SGCD: variants seen among roughly 807,000 people sequenced by gnomAD.
The protein encoded by SGCD is delta-sarcoglycan.
Under a neutral mutation model 36.6 loss-of-function variants are expected in SGCD, and 18 were observed. That is an observed-to-expected ratio of 0.49 (90% CI 0.34 to 0.73). The LOEUF (loss-of-function observed/expected upper bound fraction) is 0.73, where lower values mean the gene tolerates loss of function less well. Among genes scored for constraint, SGCD ranks in the 30% least tolerant of loss-of-function variants. SGCD has a pLI of 0.01. For synonymous variants in SGCD, 133 were observed against 130.6 expected, an observed-to-expected ratio of 1.02 and a Z score of -0.12; for missense variants, 387 against 346.7, an observed-to-expected ratio of 1.12 and a Z score of -0.92.
intron 2 of SGCD, among the ~76,000 whole-genome samples, chr5:156,335,124 C>T (rs1202117850): frequency 6.6e-6 from 1 of 152,188 alleles, no homozygotes; most frequent in East Asian, 1.9e-4. Context: ...ACTTGTGTAT[C>T]TGCTAATTCC....
Position 156,057,939 on chromosome 5 carries a change from G to T in SGCD, c.-281-59939G>T, listed in dbSNP as rs1327938271. Among the ~76,000 whole-genome samples the T allele has an allele frequency of 1.4e-5, 2 of 145,952 alleles. 1 individual carries two copies. The highest frequency in any genetic ancestry group is 3.1e-5 in the Non-Finnish European group (2 of 64,804). ...ATTCATCTTGTCTTACATATACAGG[G>T]TATAACTCAAAGGAATCAAGTTACT... On this transcript the variant is annotated intron_variant, in intron 1 of 9. Transcript: ENST00000517913.
the SGCD span, among the ~76,000 whole-genome samples, chr5:155,744,187 TGTG>T: frequency 6.6e-6 from 1 of 152,028 alleles, no homozygotes; most frequent in Non-Finnish European, 1.5e-5. Context: ...GCGGGCCAGG[TGTG>T]GTGACTCACG....
chr5:155,879,799 G>A (rs1298326563), intron 1 of SGCD, among the ~76,000 whole-genome samples: 3 of 152,100 alleles, frequency 2.0e-5, no homozygotes, highest in Non-Finnish European at 4.4e-5. Context: ...CTCTAAGGCA[G>A]TTTTAACCAC....
intron 1 of SGCD, among the ~76,000 whole-genome samples, chr5:156,085,732 A>G (rs575845385): frequency 2.2e-4 from 34 of 152,290 alleles, no homozygotes; most frequent in African/African-American, 8.2e-4. Flanking sequence ...TTCTCCAGTG[A>G]CACTATCTGG....
At chr5:156,619,140 C>T (rs1561818839) in intron 6 of SGCD, among the ~76,000 whole-genome samples, 2 of 152,212 alleles carry the variant, frequency 1.3e-5, no homozygotes, top group Admixed American at 6.5e-5. Flanking sequence ...ATTCGCCTGC[C>T]TCAGCCTCCA....
chr5:156,179,704 C>G (rs999014657), intron 3 of SGCD, among the ~76,000 whole-genome samples: 3 of 151,284 alleles, frequency 2.0e-5, no homozygotes, highest in African/African-American at 7.3e-5. Flanking sequence ...TCACTGGAAC[C>G]TCTCCGCCTC....
chr5:155,900,556 C>T (rs891078446), intron 1 of SGCD, among the ~76,000 whole-genome samples: 2 of 150,474 alleles, frequency 1.3e-5, no homozygotes, highest in African/African-American at 4.9e-5. Context: ...GTATATCTCC[C>T]GATGCTATCC....
At chr5:156,536,825 A>G (rs1411649393) in intron 4 of SGCD, among the ~76,000 whole-genome samples, 1 of 152,120 alleles carries the variant, frequency 6.6e-6, no homozygotes, top group African/African-American at 2.4e-5. Flanking sequence ...AAAGTTAAGT[A>G]TTTATTTCTT....
At chr5:156,236,458 T>C (rs1481177185) in intron 3 of SGCD, among the ~76,000 whole-genome samples, 1 of 151,882 alleles carries the variant, frequency 6.6e-6, no homozygotes, top group African/African-American at 2.4e-5. Context: ...ATACTTTTTT[T>C]TTTTTTTTTG....
the SGCD span, among the ~76,000 whole-genome samples, chr5:155,728,601 C>A: frequency 6.6e-6 from 1 of 152,158 alleles, no homozygotes; most frequent in African/African-American, 2.4e-5. Flanking sequence ...TTCTTCTAGG[C>A]GGCGGCCGGC....
At chr5:155,893,803 A>G (rs1756188006) in intron 1 of SGCD, among the ~76,000 whole-genome samples, 1 of 152,264 alleles carries the variant, frequency 6.6e-6, no homozygotes, top group African/African-American at 2.4e-5. Context: ...CTAACATAAT[A>G]GAGTGTACTT....
chr5:156,149,055 A>C (rs1039596002), intron 3 of SGCD, among the ~76,000 whole-genome samples: 1 of 152,144 alleles, frequency 6.6e-6, no homozygotes, highest in African/African-American at 2.4e-5. Flanking sequence ...TTAATGTTTA[A>C]CTTATACATT....
At chr5:156,523,286 A>G (rs1757489332) in intron 4 of SGCD, among the ~76,000 whole-genome samples, 1 of 152,126 alleles carries the variant, frequency 6.6e-6, no homozygotes, top group Admixed American at 6.5e-5. Flanking sequence ...ACACGTGGCA[A>G]TTTCCCTCTC....
At chr5:156,486,137 C>T (rs932419535) in intron 3 of SGCD, among the ~76,000 whole-genome samples, 5 of 152,032 alleles carry the variant, frequency 3.3e-5, no homozygotes, top group Admixed American at 1.3e-4. Context: ...GCCCAAGAAT[C>T]CCTGCATCTC....
the SGCD span, among the ~76,000 whole-genome samples, chr5:155,730,359 A>T: frequency 6.6e-6 from 1 of 151,900 alleles, no homozygotes; most frequent in South Asian, 2.1e-4. Flanking sequence ...TAGGTTGGGG[A>T]CAATTATCCG....
chr5:156,312,356 T>G (rs1481047455), intron 3 of SGCD, among the ~76,000 whole-genome samples: 1 of 152,224 alleles, frequency 6.6e-6, no homozygotes, highest in Admixed American at 6.5e-5. Context: ...TCCTTGAACA[T>G]AAATTTCTTT....
chr5:156,453,885 A>G (rs993047658), intron 3 of SGCD, among the ~76,000 whole-genome samples: 4 of 152,216 alleles, frequency 2.6e-5, no homozygotes, highest in African/African-American at 7.2e-5. Flanking sequence ...CTTTATTTGT[A>G]CAAAATTCTA....
chr5:156,571,569 G>A (rs961468285), intron 4 of SGCD, among the ~76,000 whole-genome samples: 5 of 152,008 alleles, frequency 3.3e-5, no homozygotes, highest in Non-Finnish European at 7.4e-5. Flanking sequence ...CTTCACTGCT[G>A]TCTCATCTCT....
chr5:155,815,947 G>C, the SGCD span, among the ~76,000 whole-genome samples: 4 of 152,156 alleles, frequency 2.6e-5, no homozygotes, highest in Non-Finnish European at 5.9e-5. Flanking sequence ...GTATTTACAA[G>C]TAACCTGACT....
Sources: gnomAD v4.1 joint callset for allele counts (sites outside exome capture counted in the v4.1 genomes callset) on GRCh38, gnomAD v4.1.1 for gene constraint, MANE v1.5 for transcripts, NCBI Gene and HGNC (gene_info 2026-07-23, HGNC 2026-07-21) for gene names.